RORA: variants seen among roughly 807,000 people sequenced by gnomAD.
The protein encoded by RORA is RAR related orphan receptor A.
Under a neutral mutation model 69.5 loss-of-function variants are expected in RORA, and 7 were observed. The ratio of observed to expected loss-of-function variants is 0.10; its 90% CI spans 0.06 to 0.19. RORA has a LOEUF of 0.19. Among genes scored for constraint, RORA ranks in the 10% least tolerant of loss-of-function variants. The probability of loss-of-function intolerance (pLI) is 1.00; values close to 1 mark genes in which losing one functional copy is unlikely to be tolerated. For synonymous variants in RORA, 261 were observed against 240.8 expected, an observed-to-expected ratio of 1.08 and a Z score of -0.78; for missense variants, 457 against 663.0, an observed-to-expected ratio of 0.69 and a Z score of 3.41.
intron 1 of RORA, among the ~76,000 whole-genome samples, chr15:61,120,979 C>T (rs2079097834): frequency 6.6e-6 from 1 of 151,650 alleles, no homozygotes; most frequent in Non-Finnish European, 1.5e-5. Context: ...TCCCCAGTAG[C>T]TGGGATTACA....
intron 2 of RORA, among the ~76,000 whole-genome samples, chr15:60,608,539 A>C (rs1229591657): frequency 2.6e-5 from 4 of 152,188 alleles, no homozygotes; most frequent in Non-Finnish European, 5.9e-5. Flanking sequence ...TCTAGTGCTC[A>C]CTACATGTTG....
At chr15:61,188,273 T>A in intron 1 of RORA, among the ~76,000 whole-genome samples, 1 of 152,176 alleles carries the variant, frequency 6.6e-6, no homozygotes, top group South Asian at 2.1e-4. Context: ...ACTACTCAAC[T>A]CTGCCATTGT....
At chr15:60,900,681 G>T (rs1891363399) in intron 1 of RORA, among the ~76,000 whole-genome samples, 1 of 152,052 alleles carries the variant, frequency 6.6e-6, no homozygotes, top group Admixed American at 6.6e-5. Flanking sequence ...AGACCATCCT[G>T]GCCAACACGG....
chr15:61,137,068 A>G (rs909189981), intron 1 of RORA, among the ~76,000 whole-genome samples: 1 of 149,504 alleles, frequency 6.7e-6, no homozygotes, highest in Non-Finnish European at 1.5e-5. Flanking sequence ...AGAAAGAAAG[A>G]AAGAAAGAAA....
intron 1 of RORA, among the ~76,000 whole-genome samples, chr15:60,724,258 A>G (rs1015467361): frequency 1.1e-4 from 17 of 152,226 alleles, no homozygotes; most frequent in African/African-American, 4.1e-4. Flanking sequence ...TTATTATCAC[A>G]GGTAACTTTC....
intron 2 of RORA, among the ~76,000 whole-genome samples, chr15:60,662,341 A>G (rs143706412): frequency 2.5e-3 from 385 of 152,346 alleles, no homozygotes; most frequent in Middle Eastern, 0.02. Flanking sequence ...CCCTGCAAAA[A>G]TATTTCAGAT....
chr15:60,880,017 A>C (rs2073661237), intron 1 of RORA, among the ~76,000 whole-genome samples: 1 of 152,188 alleles, frequency 6.6e-6, no homozygotes, highest in Non-Finnish European at 1.5e-5. Context: ...TTGAAGAAGT[A>C]ATCTACTCCT....
At chr15:60,780,942 T>C (rs1413849476) in intron 1 of RORA, among the ~76,000 whole-genome samples, 1 of 152,234 alleles carries the variant, frequency 6.6e-6, no homozygotes, top group Non-Finnish European at 1.5e-5. Flanking sequence ...GTGCTTTTTG[T>C]TCCATATCTC....
intron 1 of RORA, among the ~76,000 whole-genome samples, chr15:60,934,259 T>C (rs910403122): frequency 1.3e-5 from 2 of 152,228 alleles, no homozygotes; most frequent in Admixed American, 1.3e-4. Flanking sequence ...GCTGGCCCAG[T>C]GGAGGCCAAA....
chr15:60,947,217 G>C (rs1892918015), intron 1 of RORA, among the ~76,000 whole-genome samples: 1 of 152,228 alleles, frequency 6.6e-6, no homozygotes, highest in Non-Finnish European at 1.5e-5. Context: ...TTGAGAACGG[G>C]CCATGATGAC....
chr15:60,576,444 A>G (rs1246827193), intron 2 of RORA, among the ~76,000 whole-genome samples: 1 of 152,254 alleles, frequency 6.6e-6, no homozygotes, highest in Non-Finnish European at 1.5e-5. Context: ...ACAAAGAGGC[A>G]GATGGCCCAG....
intron 1 of RORA, among the ~76,000 whole-genome samples, chr15:60,929,310 A>C (rs180961267): frequency 6.6e-6 from 1 of 152,228 alleles, no homozygotes; most frequent in Admixed American, 6.5e-5. Context: ...TTTATCTTTC[A>C]CAGGAATCCT....
At chr15:60,881,082 G>T (rs146199206) in intron 1 of RORA, among the ~76,000 whole-genome samples, 2 of 152,204 alleles carry the variant, frequency 1.3e-5, no homozygotes, top group African/African-American at 4.8e-5. Flanking sequence ...ACAATGCTCT[G>T]TACTCTGCCT....
intron 1 of RORA, among the ~76,000 whole-genome samples, chr15:61,176,810 G>A (rs1428295801): frequency 6.6e-6 from 1 of 152,126 alleles, no homozygotes; most frequent in Non-Finnish European, 1.5e-5. Flanking sequence ...TAGTAAAAAT[G>A]ACTACTATTA....
intron 1 of RORA, among the ~76,000 whole-genome samples, chr15:61,036,425 G>A (rs930222460): frequency 1.3e-5 from 2 of 152,182 alleles, no homozygotes; most frequent in Non-Finnish European, 2.9e-5. Context: ...GGAAGCTTAA[G>A]TGCAAGGCAA....
intron 2 of RORA, among the ~76,000 whole-genome samples, chr15:60,565,404 T>C (rs2067687295): frequency 6.6e-6 from 1 of 152,240 alleles, no homozygotes; most frequent in South Asian, 2.1e-4. Flanking sequence ...CATGTATTCA[T>C]TAGCAGAGAC....
chr15:60,631,748 C>T lies in RORA; in HGVS notation c.196+46909G>A, dbSNP rs74017251. ...ACGGCTAAGGGCAACCTCACAGGCTCCTGGCTTACCTCACTTCTCACCCGC... is the reference window on the plus strand; with the variant it reads ...ACGGCTAAGGGCAACCTCACAGGCTTCTGGCTTACCTCACTTCTCACCCGC... On this transcript the variant is annotated intron_variant, in intron 2 of 10. Coordinates refer to ENST00000335670, the MANE Select transcript of RORA (RefSeq NM_134261.3). 6.2e-3 allele frequency among the ~76,000 whole-genome samples: 948 copies of T among 152,330 alleles called. 9 individuals carry two copies. Among genetic ancestry groups the T allele is most frequent in the African/African-American group, 0.022 (910 of 41,560 alleles).
intron 1 of RORA, among the ~76,000 whole-genome samples, chr15:60,852,605 C>T (rs2073338284): frequency 6.6e-6 from 1 of 152,166 alleles, no homozygotes; most frequent in Admixed American, 6.5e-5. Context: ...GATGAACATA[C>T]AGAAAGCAAC....
At chr15:60,792,964 C>T (rs1567193181) in intron 1 of RORA, among the ~76,000 whole-genome samples, 2 of 151,788 alleles carry the variant, frequency 1.3e-5, no homozygotes, top group Admixed American at 6.6e-5. Context: ...TCACAAAACC[C>T]CTAAATTCTA....
Sources: gnomAD v4.1 joint callset for allele counts (sites outside exome capture counted in the v4.1 genomes callset) on GRCh38, gnomAD v4.1.1 for gene constraint, MANE v1.5 for transcripts, NCBI Gene and HGNC (gene_info 2026-07-23, HGNC 2026-07-21) for gene names.